TOX: variants seen among roughly 807,000 people sequenced by gnomAD.
TOX encodes thymocyte selection-associated high mobility group box protein TOX.
TOX carries 11 observed loss-of-function variants against 53.7 expected under a neutral mutation model. The ratio of observed to expected loss-of-function variants is 0.20; its 90% CI spans 0.13 to 0.34. The LOEUF (loss-of-function observed/expected upper bound fraction) is 0.34, where lower values mean the gene tolerates loss of function less well. Among genes scored for constraint, TOX ranks in the 10% least tolerant of loss-of-function variants. The probability of loss-of-function intolerance (pLI) is 1.00; values close to 1 mark genes in which losing one functional copy is unlikely to be tolerated. For missense variants in TOX, 570 were observed against 664.6 expected (o/e 0.86, Z 1.56); for synonymous variants, 225 against 245.3 (o/e 0.92, Z 0.77).
At chr8:58,831,347 A>C (rs1375674857) in intron 5 of TOX, among the ~76,000 whole-genome samples, 1 of 152,164 alleles carries the variant, frequency 6.6e-6, no homozygotes, top group Non-Finnish European at 1.5e-5. Context: ...CTGTGGTGTG[A>C]GGCACCGATG....
In TOX at chr8:58,838,699, C is replaced by CTTTTTTTTTTTT. The variant is rs35347981; in HGVS notation, c.694-400_694-389dup. ...TTTCTTCTAAGGAAGTTATCCTTGT[C>CTTTTTTTTTTTT]TTTTTTTTTTTTTTTTTTTTTGAGA... On this transcript the variant is annotated intron_variant, in intron 4 of 8. Transcript: ENST00000361421. Among the ~76,000 whole-genome samples, 34 of 88,872 alleles carry CTTTTTTTTTTTT rather than the reference C, an allele frequency of 3.8e-4. 5 individuals are homozygous for CTTTTTTTTTTTT. Among genetic ancestry groups the CTTTTTTTTTTTT allele is most frequent in the African/African-American group, 1.6e-3 (27 of 16,724 alleles). 58.3% of individuals were successfully genotyped at this position (88,872 alleles called of 152,430 possible).
chr8:58,985,067 T>C (rs1252040879), intron 1 of TOX, among the ~76,000 whole-genome samples: 2 of 149,620 alleles, frequency 1.3e-5, no homozygotes, highest in Admixed American at 6.7e-5. Context: ...TAGATATATA[T>C]CTTCTATCTA....
chr8:59,036,638 A>T (rs1336433242), intron 1 of TOX, among the ~76,000 whole-genome samples: 2 of 152,086 alleles, frequency 1.3e-5, no homozygotes, highest in Non-Finnish European at 2.9e-5. Flanking sequence ...AATCAATCAA[A>T]CTAAGTTACA....
At chr8:58,977,412 T>C (rs1374834062) in intron 1 of TOX, among the ~76,000 whole-genome samples, 1 of 152,222 alleles carries the variant, frequency 6.6e-6, no homozygotes, top group Non-Finnish European at 1.5e-5. Flanking sequence ...TGATCTTCTA[T>C]CCAGATCACC....
chr8:59,059,029 C>T (rs1051616670), intron 1 of TOX, among the ~76,000 whole-genome samples: 1 of 152,148 alleles, frequency 6.6e-6, no homozygotes, highest in Non-Finnish European at 1.5e-5. Context: ...GTAAAGTCTT[C>T]TTCAAGAGCA....
intron 1 of TOX, among the ~76,000 whole-genome samples, chr8:58,999,300 C>T (rs1283745464): frequency 6.6e-6 from 1 of 151,278 alleles, no homozygotes; most frequent in Non-Finnish European, 1.5e-5. Flanking sequence ...AATCTGTGAT[C>T]TTTAGAATTT....
At chr8:58,827,039 TTG>T in intron 5 of TOX, 137 bp from the exon 6 acceptor site, 1 of 499,288 alleles carries the variant, frequency 2.0e-6, no homozygotes, top group Non-Finnish European at 3.0e-6. Context: ...TCCCCAAAGA[TTG>T]TGTTTTCTTA....
chr8:59,052,319 C>A (rs1803806147), intron 1 of TOX, among the ~76,000 whole-genome samples: 2 of 152,050 alleles, frequency 1.3e-5, no homozygotes, highest in Non-Finnish European at 2.9e-5. Flanking sequence ...TCAATCAATA[C>A]TTAGTGCATT....
At chr8:59,014,634 A>C (rs1230700906) in intron 1 of TOX, among the ~76,000 whole-genome samples, 1 of 152,242 alleles carries the variant, frequency 6.6e-6, no homozygotes, top group Non-Finnish European at 1.5e-5. Context: ...TAAAGCTTAA[A>C]TATCTTTGTT....
At chr8:59,024,837 C>A (rs988386356) in intron 1 of TOX, among the ~76,000 whole-genome samples, 1 of 152,074 alleles carries the variant, frequency 6.6e-6, no homozygotes, top group African/African-American at 2.4e-5. Flanking sequence ...AGCCAAGATT[C>A]ATTTTCTTTT....
At chr8:59,026,180 T>C (rs1488768267) in intron 1 of TOX, among the ~76,000 whole-genome samples, 1 of 152,012 alleles carries the variant, frequency 6.6e-6, no homozygotes, top group Non-Finnish European at 1.5e-5. Flanking sequence ...GTGGAGTCAA[T>C]ATTGAAACTG....
intron 4 of TOX, among the ~76,000 whole-genome samples, chr8:58,842,607 A>G (rs1437742248): frequency 6.6e-6 from 1 of 152,144 alleles, no homozygotes; most frequent in Non-Finnish European, 1.5e-5. Flanking sequence ...TGGTATTTGG[A>G]CAGTATGGTA....
intron 1 of TOX, among the ~76,000 whole-genome samples, chr8:59,094,688 C>T (rs901076420): frequency 2.6e-5 from 4 of 152,040 alleles, no homozygotes; most frequent in African/African-American, 9.7e-5. Context: ...AGACACAGTG[C>T]AGAAGGACCT....
At chr8:59,058,745 G>T (rs1177116542) in intron 1 of TOX, among the ~76,000 whole-genome samples, 1 of 152,168 alleles carries the variant, frequency 6.6e-6, no homozygotes, top group Non-Finnish European at 1.5e-5. Context: ...AGGCTCCATG[G>T]TGCCTTTCCC....
intron 5 of TOX, among the ~76,000 whole-genome samples, chr8:58,831,867 A>G (rs1326608970): frequency 6.6e-6 from 1 of 152,160 alleles, no homozygotes; most frequent in Non-Finnish European, 1.5e-5. Flanking sequence ...ATCAATGGAA[A>G]CAGTGGACTG....
intron 1 of TOX, among the ~76,000 whole-genome samples, chr8:59,092,302 TTATATATTATATATACATA>T (rs1393578640): frequency 2.9e-5 from 3 of 104,612 alleles, no homozygotes; most frequent in East Asian, 4.5e-4. Flanking sequence ...ATTATATATA[TTATATATTATATATACATA>T]TATATATTAT....
chr8:58,991,915 G>T (rs533731865), intron 1 of TOX: 71 of 152,382 alleles, frequency 4.7e-4, no homozygotes, highest in African/African-American at 1.7e-3. Context: ...TCCCCTGGCT[G>T]TCAGGCAGCC....
intron 1 of TOX, among the ~76,000 whole-genome samples, chr8:59,051,741 G>C (rs1803794213): frequency 6.6e-6 from 1 of 152,082 alleles, no homozygotes; most frequent in African/African-American, 2.4e-5. Flanking sequence ...CTGTTGGATG[G>C]GGACTGAGTG....
chr8:58,889,714 G>C (rs1306743150), intron 3 of TOX, among the ~76,000 whole-genome samples: 1 of 152,070 alleles, frequency 6.6e-6, no homozygotes, highest in Non-Finnish European at 1.5e-5. Flanking sequence ...TTATCTAATG[G>C]AAGCCATGAT....
Sources: gnomAD v4.1 joint callset for allele counts (sites outside exome capture counted in the v4.1 genomes callset) on GRCh38, gnomAD v4.1.1 for gene constraint, MANE v1.5 for transcripts, NCBI Gene and HGNC (gene_info 2026-07-23, HGNC 2026-07-21) for gene names.